POLR1A: variants seen among roughly 807,000 people sequenced by gnomAD.
POLR1A encodes DNA-directed RNA polymerase I subunit RPA1.
Under a neutral mutation model 205.3 loss-of-function variants are expected in POLR1A, and 84 were observed. That is an observed-to-expected ratio of 0.41 (90% CI 0.34 to 0.49). The LOEUF (loss-of-function observed/expected upper bound fraction) is 0.49, where lower values mean the gene tolerates loss of function less well. POLR1A is among the 20% of genes least tolerant of loss of function. The pLI is 0.22. For missense variants in POLR1A, 1,645 were observed against 2,204.5 expected (o/e 0.75, Z 5.08); for synonymous variants, 799 against 863.7 (o/e 0.93, Z 1.31).
At chr2:86,085,087 G>A (rs929457615) in intron 6 of POLR1A, among the ~76,000 whole-genome samples, 1 of 152,046 alleles carries the variant, frequency 6.6e-6, no homozygotes, top group African/African-American at 2.4e-5. Context: ...TCAGCCTCCC[G>A]AGTAGCTGGG....
chr2:86,076,214 C>T (rs535240874), intron 11 of POLR1A, among the ~76,000 whole-genome samples: 1 of 152,120 alleles, frequency 6.6e-6, no homozygotes, highest in African/African-American at 2.4e-5. Flanking sequence ...ACAAATACAC[C>T]AGAGGCTCTG....
chr2:86,059,796 C>T (rs1672964249), intron 14 of POLR1A, among the ~76,000 whole-genome samples: 1 of 152,154 alleles, frequency 6.6e-6, no homozygotes, highest in South Asian at 2.1e-4. Context: ...AAACTTCTAG[C>T]CTCATGTGAT....
chr2:86,047,394 C>G, intron 18 of POLR1A, 131 bp from the exon 19 acceptor site: 2 of 638,648 alleles, frequency 3.1e-6, no homozygotes, highest in Non-Finnish European at 2.8e-6. Context: ...AAATCCCACT[C>G]GAGGTAAGAG....
intron 18 of POLR1A, among the ~76,000 whole-genome samples, 175 bp from the exon 19 acceptor site, chr2:86,047,438 C>T (rs913704355): frequency 6.6e-6 from 1 of 152,210 alleles, no homozygotes; most frequent in African/African-American, 2.4e-5. Flanking sequence ...TTCCCTGGAA[C>T]CCCTGAGAGG....
chr2:86,099,717 C>T (rs992315880), intron 2 of POLR1A, among the ~76,000 whole-genome samples: 14 of 152,136 alleles, frequency 9.2e-5, no homozygotes, highest in Non-Finnish European at 1.3e-4. Flanking sequence ...GAACTCTCCC[C>T]GACCCTCCAC....
intron 12 of POLR1A, among the ~76,000 whole-genome samples, chr2:86,073,869 G>A (rs150722888): frequency 6.6e-6 from 1 of 152,200 alleles, no homozygotes; most frequent in African/African-American, 2.4e-5. Context: ...TGAGTTAAAT[G>A]TAAGTGAAGT....
chr2:86,034,743 G>A (rs1217533931), intron 27 of POLR1A, among the ~76,000 whole-genome samples: 1 of 152,168 alleles, frequency 6.6e-6, no homozygotes, highest in East Asian at 1.9e-4. Flanking sequence ...AAGCAAGGAC[G>A]AAAAGACAGA....
intron 20 of POLR1A, 55 bp from the exon 21 acceptor site, chr2:86,045,415 T>C: frequency 2.1e-6 from 3 of 1,433,114 alleles, no homozygotes; most frequent in Non-Finnish European, 3.0e-6. Context: ...GTGCGCTTCC[T>C]GAAGGGCTCA....
Position 86,054,228 on chromosome 2 carries a change from C to G in POLR1A, c.2120G>C (p.Gly707Ala). 6.2e-7 allele frequency: 1 copy of G among 1,613,924 alleles called. No homozygotes were observed. Among genetic ancestry groups the G allele is most frequent in the Non-Finnish European group, 8.5e-7 (1 of 1,179,846 alleles). The change falls in exon 15 of 34, where the codon GGA becomes GCA. Residue 707 changes from glycine (G) to alanine (A), a missense_variant. Coordinates refer to ENST00000263857, the MANE Select transcript of POLR1A (RefSeq NM_015425.6). ...GGCTTTCCCAGTGATTTTCGCCTTT[C>G]CAGATAAGTTCAGTGGGATGTGGTC... ...PEDHIPLNLS[G>A]KAKITGKAWV... is the part of the protein sequence containing the mutation.
At chr2:86,031,713 C>T (rs1672398719) in intron 29 of POLR1A, 78 bp from the exon 30 acceptor site, 49 of 1,544,092 alleles carry the variant, frequency 3.2e-5, no homozygotes, top group Non-Finnish European at 4.3e-5. Context: ...AACAAAGACC[C>T]CTGCAAAGCC....
rs1331522603 is a variant in POLR1A, at chr2:86,070,488, C to T, written c.1612-216G>A. Among the ~76,000 whole-genome samples, 1 of 152,182 alleles carries T rather than the reference C, an allele frequency of 6.6e-6. No homozygotes were observed. Among genetic ancestry groups the T allele is most frequent in the African/African-American group, 2.4e-5 (1 of 41,434 alleles). On this transcript the variant is annotated intron_variant, in intron 12 of 33. Transcript: ENST00000263857. This position sits in a 1 kb window ranked among gnomAD's most constrained non-coding sequence, Gnocchi z 4.4. ...GTCCTGGCCCTTTACAACCCTGATC[C>T]TGGCTCTAGGCTCAGAAGTATAAGG... is the stretch of plus-strand genomic sequence containing the variant.
chr2:86,042,194 G>C, intron 23 of POLR1A, 91 bp from the exon 24 acceptor site: 1 of 894,192 alleles, frequency 1.1e-6, no homozygotes, highest in South Asian at 1.4e-5. Flanking sequence ...AGAATAAAGG[G>C]AGACAGAAAG....
intron 13 of POLR1A, among the ~76,000 whole-genome samples, chr2:86,066,329 C>G (rs1024109163): frequency 3.3e-5 from 5 of 152,130 alleles, no homozygotes; most frequent in Non-Finnish European, 5.9e-5. Flanking sequence ...CTGTTATCTA[C>G]CAGATGCCAA....
At chr2:86,100,348 A>G (rs1283295864) in intron 1 of POLR1A, among the ~76,000 whole-genome samples, 176 bp from the exon 2 acceptor site, 1 of 152,170 alleles carries the variant, frequency 6.6e-6, no homozygotes, top group African/African-American at 2.4e-5. Flanking sequence ...TTGGTACCCA[A>G]TAGTTAATAA....
intron 1 of POLR1A, among the ~76,000 whole-genome samples, chr2:86,102,975 A>G (rs1312945498): frequency 6.6e-6 from 1 of 152,224 alleles, no homozygotes; most frequent in Non-Finnish European, 1.5e-5. Flanking sequence ...TCCTCTATCC[A>G]TCTATTCATA....
intron 14 of POLR1A, among the ~76,000 whole-genome samples, chr2:86,054,651 GAT>G (rs1672864169): frequency 6.6e-6 from 1 of 152,214 alleles, no homozygotes. Context: ...CACATACTCA[GAT>G]ATTTCTTTAC....
Position 86,027,901 on chromosome 2 carries a change from C to T in POLR1A, c.5046G>A (p.Lys1682=), listed in dbSNP as rs767106614. The T allele has an allele frequency of 7.4e-6, 12 of 1,614,130 alleles. No individual in the cohort carries two copies. The East Asian group carries it at 8.9e-5, about 12-fold the overall frequency. Residue 1682 remains lysine (K), a synonymous_variant, in exon 33 of 34, where the codon AAG becomes AAA. Transcript: ENST00000263857. The stretch of plus-strand genomic sequence containing the variant: ...CGCACTAACCCAGCATGGTGGCTTG[C>T]TTCAGAAACTGGAAGCTGGTTTCAA... ...MTFETSFQFL[K]QATMLGSHDE...
At chr2:86,091,835 C>T (rs1673612904) in intron 3 of POLR1A, among the ~76,000 whole-genome samples, 1 of 152,024 alleles carries the variant, frequency 6.6e-6, no homozygotes, top group African/African-American at 2.4e-5. Context: ...AGAAATAGGC[C>T]GGGCACGGTG....
chr2:86,085,801 C>CT (rs1462744182), intron 6 of POLR1A, among the ~76,000 whole-genome samples: 1 of 152,230 alleles, frequency 6.6e-6, no homozygotes, highest in Non-Finnish European at 1.5e-5. Flanking sequence ...TTCAGAGCAT[C>CT]TTGAATGTGT....
Sources: gnomAD v4.1 joint callset for allele counts (sites outside exome capture counted in the v4.1 genomes callset) on GRCh38, gnomAD v4.1.1 for gene constraint, Gnocchi (gnomAD v3.1) non-coding constraint, MANE v1.5 for transcripts, NCBI Gene and HGNC (gene_info 2026-07-23, HGNC 2026-07-21) for gene names.